Variants in DDHD1 observed in about 807,000 individuals in gnomAD.
The protein encoded by DDHD1 is DDHD domain containing 1.
Under a neutral mutation model 96.4 loss-of-function variants are expected in DDHD1, and 49 were observed. The observed-to-expected ratio is 0.51, with a 90% CI of 0.40 to 0.64. The LOEUF (loss-of-function observed/expected upper bound fraction) is 0.64, where lower values mean the gene tolerates loss of function less well. DDHD1 is among the 30% of genes least tolerant of loss of function. The pLI, the probability that DDHD1 is intolerant of heterozygous loss-of-function variation, is 0.00. For synonymous variants in DDHD1, 442 were observed against 446.5 expected, an observed-to-expected ratio of 0.99 and a Z score of 0.13; for missense variants, 1,106 against 1,161.2, an observed-to-expected ratio of 0.95 and a Z score of 0.69.
At chr14:53,064,569 A>T (rs1427305258) in intron 6 of DDHD1, among the ~76,000 whole-genome samples, 1 of 152,160 alleles carries the variant, frequency 6.6e-6, no homozygotes, top group Non-Finnish European at 1.5e-5. Context: ...AAACAAGATC[A>T]AATTATCTAA....
At chr14:53,123,301 C>G (rs1273310113) in intron 1 of DDHD1, among the ~76,000 whole-genome samples, 1 of 151,920 alleles carries the variant, frequency 6.6e-6, no homozygotes, top group African/African-American at 2.4e-5. Context: ...TGTTGTGCAA[C>G]AACACCCAGC....
intron 4 of DDHD1, among the ~76,000 whole-genome samples, chr14:53,080,256 G>A (rs1188425120): frequency 6.6e-6 from 1 of 152,190 alleles, no homozygotes; most frequent in Non-Finnish European, 1.5e-5. Flanking sequence ...AGCTATTTGG[G>A]AGGCTGAGGC....
chr14:53,103,033 GAAT>G (rs750903244), intron 2 of DDHD1: 1 of 1,568,052 alleles, frequency 6.4e-7, no homozygotes, highest in Non-Finnish European at 8.7e-7. Context: ...ATACTCACCA[GAAT>G]AGTTGATCCC....
chr14:53,128,904 A>C (rs1889660504), intron 1 of DDHD1, among the ~76,000 whole-genome samples: 1 of 152,162 alleles, frequency 6.6e-6, no homozygotes, highest in South Asian at 2.1e-4. Context: ...TTATGACAAT[A>C]CACCCTCCCT....
At chr14:53,065,871 A>G (rs1429665876) in intron 6 of DDHD1, among the ~76,000 whole-genome samples, 1 of 152,172 alleles carries the variant, frequency 6.6e-6, no homozygotes, top group Non-Finnish European at 1.5e-5. Context: ...GTTCCTTCCC[A>G]TATTTTCTAT....
intron 1 of DDHD1, among the ~76,000 whole-genome samples, chr14:53,119,377 T>A (rs1888809769): frequency 6.6e-6 from 1 of 152,032 alleles, no homozygotes; most frequent in Non-Finnish European, 1.5e-5. Context: ...GCAAATTGGA[T>A]AAAGAGTCAA....
chr14:53,117,630 A>G (rs1455842948), intron 1 of DDHD1, among the ~76,000 whole-genome samples: 1 of 152,104 alleles, frequency 6.6e-6, no homozygotes, highest in Non-Finnish European at 1.5e-5. Context: ...AGTAGCTCAC[A>G]GTGTAAACAA....
intron 2 of DDHD1, among the ~76,000 whole-genome samples, chr14:53,101,150 T>C (rs550392034): frequency 3.2e-4 from 49 of 152,296 alleles, no homozygotes; most frequent in African/African-American, 1.2e-3. Context: ...AGTATAAAAT[T>C]TCAGAAGCTT....
chr14:53,070,911 C>T (rs949402861), intron 6 of DDHD1, among the ~76,000 whole-genome samples: 1 of 152,016 alleles, frequency 6.6e-6, no homozygotes, highest in Non-Finnish European at 1.5e-5. Flanking sequence ...AAGAAAGCTC[C>T]CAGAGAAAAC....
At chr14:53,152,160 C>T in intron 1 of DDHD1, 101 bp downstream of exon 1, 1 of 1,239,672 alleles carries the variant, frequency 8.1e-7, no homozygotes, top group Non-Finnish European at 1.1e-6. Flanking sequence ...CCAGGCCTCA[C>T]GCGCCTCCCT....
chr14:53,118,910 G>A (rs143925251), intron 1 of DDHD1, among the ~76,000 whole-genome samples: 145 of 152,200 alleles, frequency 9.5e-4, no homozygotes, highest in African/African-American at 3.3e-3. Context: ...GGGCAGCCAG[G>A]GAGAAAGGTC....
rs560314977 is a variant in DDHD1, at chr14:53,058,387, T to C, written c.1992+90A>G. ...GCCTCAGCCTCCCAAAGTGCTGGGA[T>C]TACAAGCGTGAGCCACTGTGCCCAG... On this transcript the variant is annotated intron_variant, in intron 9 of 12. Transcript: ENST00000673822. 50 of 1,432,114 alleles carry C rather than the reference T, an allele frequency of 3.5e-5. No homozygotes were observed. In the East Asian group the frequency reaches 8.7e-4, roughly 25 times the overall value. The allele number at this position is 1,432,114 out of a possible 1,614,324, so 88.7% of individuals were successfully genotyped here. A position where few individuals can be genotyped will look rare whatever the true frequency, so the allele number is the denominator to read the frequency against.
intron 4 of DDHD1, among the ~76,000 whole-genome samples, chr14:53,077,812 T>G (rs943664914): frequency 7.9e-5 from 12 of 152,094 alleles, no homozygotes; most frequent in African/African-American, 2.9e-4. Context: ...TCCCTCTTCT[T>G]CCCACCTGCC....
rs1884476585 is a variant in DDHD1 at position 53,071,161 on chromosome 14, G to A, written c.1503+1436C>T. On this transcript the variant is annotated intron_variant, in intron 6 of 12. Coordinates refer to ENST00000673822, the MANE Select transcript of DDHD1 (RefSeq NM_001160148.2). ...TTAGAATATCCACTTTGCAGATAGA[G>A]AAGCCATACAAAAATTAAGTGTTAC... is the stretch of plus-strand genomic sequence containing the variant. Among the ~76,000 whole-genome samples, 3 of 152,218 alleles carry A rather than the reference G, an allele frequency of 2.0e-5. No individual in the cohort carries two copies. In the South Asian group the frequency reaches 6.2e-4, roughly 32 times the overall value.
At chr14:53,072,765 T>A in intron 5 of DDHD1, 62 bp from the exon 6 acceptor site, 1 of 1,120,814 alleles carries the variant, frequency 8.9e-7, no homozygotes, top group East Asian at 2.4e-5. Flanking sequence ...AGGAAAGTAA[T>A]AGTGAAGAAA....
intron 1 of DDHD1, among the ~76,000 whole-genome samples, chr14:53,146,791 G>C (rs1043178367): frequency 6.6e-6 from 1 of 152,000 alleles, no homozygotes; most frequent in Non-Finnish European, 1.5e-5. Context: ...CAATGTAGAC[G>C]CAAAAGAGTA....
chr14:53,127,183 T>C (rs1437610303), intron 1 of DDHD1, among the ~76,000 whole-genome samples: 1 of 152,162 alleles, frequency 6.6e-6, no homozygotes, highest in African/African-American at 2.4e-5. Context: ...TACATAGCAA[T>C]AAAGTTGAGT....
At chr14:53,147,645 C>G (rs569667434) in intron 1 of DDHD1, among the ~76,000 whole-genome samples, 49 of 152,278 alleles carry the variant, frequency 3.2e-4, no homozygotes, top group African/African-American at 1.2e-3. Context: ...CTAAAGCAGA[C>G]TTGATCTAGG....
Position 53,152,762 on chromosome 14 carries a change from T to TGCCGCCGCC in DDHD1, c.328_336dup (p.Gly110_Gly112dup), listed in dbSNP as rs55671452. ...TGCGGCGGGTGCAGCGACAAGGAGC[T>TGCCGCCGCC]GCCGCCGCCGCCGCTCTCACCCTCG... On this transcript the variant is annotated inframe_insertion, in exon 1 of 13. Coordinates refer to ENST00000673822, the MANE Select transcript of DDHD1 (RefSeq NM_001160148.2). 7,039 of 1,576,608 alleles carry TGCCGCCGCC rather than the reference T, an allele frequency of 4.5e-3. 142 individuals are homozygous for TGCCGCCGCC. Among genetic ancestry groups the TGCCGCCGCC allele is most frequent in the African/African-American group, 0.012 (909 of 73,936 alleles).
Sources: gnomAD v4.1 joint callset for allele counts (sites outside exome capture counted in the v4.1 genomes callset) on GRCh38, gnomAD v4.1.1 for gene constraint, MANE v1.5 for transcripts, NCBI Gene and HGNC (gene_info 2026-07-23, HGNC 2026-07-21) for gene names.